Variants in LRRC20 observed in about 807,000 individuals in gnomAD.
The protein encoded by LRRC20 is leucine rich repeat containing 20.
In LRRC20, 11 loss-of-function variants were observed where a neutral mutation model predicts 14.4. The ratio of observed to expected loss-of-function variants is 0.77; its 90% confidence interval spans 0.48 to 1.27. LRRC20 has a LOEUF of 1.27. Among genes scored for constraint, LRRC20 ranks in the 50% most tolerant of loss-of-function variants. LRRC20 has a pLI of 0.00. For synonymous variants in LRRC20, 121 were observed against 107.3 expected, an observed-to-expected ratio of 1.13 and a Z score of -0.79; for missense variants, 219 against 251.2, an observed-to-expected ratio of 0.87 and a Z score of 0.87.
At chr10:70,363,177 C>T (rs924703576) in intron 2 of LRRC20, among the ~76,000 whole-genome samples, 4 of 146,334 alleles carry the variant, frequency 2.7e-5, no homozygotes, top group Non-Finnish European at 6.0e-5. Context: ...ACTCGAGAGG[C>T]TGAGTCAGGA....
chr10:70,380,641 G>A (rs1904586), intron 1 of LRRC20, among the ~76,000 whole-genome samples: 151,519 of 152,372 alleles, frequency 0.99, 75,345 homozygotes, highest in Non-Finnish European at 1. Context: ...GAAAATGTCA[G>A]GGAAAGCACT....
At chr10:70,316,958 G>A (rs894631912) in intron 4 of LRRC20, among the ~76,000 whole-genome samples, 1 of 152,252 alleles carries the variant, frequency 6.6e-6, no homozygotes, top group African/African-American at 2.4e-5. Flanking sequence ...AAGTCATCCT[G>A]TCATGGGACT....
intron 4 of LRRC20, among the ~76,000 whole-genome samples, chr10:70,321,688 C>T (rs938972633): frequency 6.6e-6 from 1 of 152,166 alleles, no homozygotes; most frequent in Admixed American, 6.5e-5. Context: ...AAGGCCTGGC[C>T]GAGGCCAGGC....
At chr10:70,321,144 CT>C (rs1000823572) in intron 4 of LRRC20, among the ~76,000 whole-genome samples, 1 of 151,886 alleles carries the variant, frequency 6.6e-6, no homozygotes, top group Admixed American at 6.6e-5. Flanking sequence ...CCATAAAAAT[CT>C]TGTTTTATTT....
Position 70,323,996 on chromosome 10 carries a change from G to A in LRRC20, c.267C>T (p.Leu89=), listed in dbSNP as rs777664468. 1.2e-6 allele frequency: 2 copies of A among 1,614,182 alleles called. No individual in the cohort carries two copies. The highest frequency in any genetic ancestry group is 2.2e-5 in the East Asian group (1 of 44,884). Residue 89 remains leucine, a synonymous_variant, in exon 4 of 5, where the codon CTC becomes CTT. Coordinates refer to ENST00000446961, the MANE Select transcript of LRRC20 (RefSeq NM_001278212.2). ...GCTGCAGGGCACTGACCTCGCTGGGGAGGCGGTGTAGGAAGTTCCCCTCCA... is the reference window on the plus strand; with the variant it reads ...GCTGCAGGGCACTGACCTCGCTGGGAAGGCGGTGTAGGAAGTTCCCCTCCA... ...LHLEGNFLHR[L]PSEVSALQHL...
At chr10:70,303,947 A>G (rs1841307730) in intron 4 of LRRC20, among the ~76,000 whole-genome samples, 1 of 152,202 alleles carries the variant, frequency 6.6e-6, no homozygotes, top group African/African-American at 2.4e-5. Flanking sequence ...AACACTGTGA[A>G]TGTCCTCAAT....
At chr10:70,326,002 C>G (rs1842304313) in intron 3 of LRRC20, among the ~76,000 whole-genome samples, 1 of 152,154 alleles carries the variant, frequency 6.6e-6, no homozygotes, top group African/African-American at 2.4e-5. Context: ...CAATTTTGAT[C>G]TTTCCTTACT....
chr10:70,300,281 G>A lies in LRRC20; in HGVS notation c.*1073C>T, dbSNP rs1319247401. The A allele has an allele frequency of 2.3e-6, 2 of 851,592 alleles. No individual in the cohort carries two copies. The highest frequency in any genetic ancestry group is 2.8e-6 in the Non-Finnish European group (2 of 707,932). 52.8% of individuals were successfully genotyped at this position (851,592 alleles called of 1,614,324 possible). A position where few individuals can be genotyped will look rare whatever the true frequency, so the allele number is the denominator to read the frequency against. ...CAACCATCCCCACTTGCTGGGTACT[G>A]TCCCAGTTTTAGCATTGAAAGTTCC... On this transcript the variant is annotated 3_prime_UTR_variant, in exon 5 of 5. Coordinates refer to ENST00000446961, the MANE Select transcript of LRRC20 (RefSeq NM_001278212.2).
intron 3 of LRRC20, among the ~76,000 whole-genome samples, chr10:70,324,431 G>C (rs567009907): frequency 6.6e-5 from 10 of 152,338 alleles, no homozygotes; most frequent in Non-Finnish European, 1.3e-4. Flanking sequence ...CCATTTAGGG[G>C]ACACCACTCT....
Position 70,301,135 on chromosome 10 carries a change from GTCCA to G in LRRC20, c.*215_*218del. 7.3e-7 allele frequency: 1 copy of G among 1,363,334 alleles called. No homozygotes were observed. Among genetic ancestry groups the G allele is most frequent in the Non-Finnish European group, 9.4e-7 (1 of 1,061,050 alleles). The allele number at this position is 1,363,334 out of a possible 1,614,324, so 84.5% of individuals were successfully genotyped here. ...TTTGCACAGCAGCTGTGAGTGCCGA[GTCCA>G]GGCTGCAGGCCCCACCTTGCCTCTT... On this transcript the variant is annotated 3_prime_UTR_variant, in exon 5 of 5. Coordinates refer to ENST00000446961, the MANE Select transcript of LRRC20 (RefSeq NM_001278212.2).
chr10:70,329,580 G>A (rs1349959711), intron 3 of LRRC20, among the ~76,000 whole-genome samples: 1 of 118,652 alleles, frequency 8.4e-6, no homozygotes, highest in African/African-American at 3.3e-5. Flanking sequence ...TTTTTTTTTC[G>A]AGATGGAGTC....
intron 2 of LRRC20, among the ~76,000 whole-genome samples, chr10:70,363,904 C>T (rs1843859620): frequency 6.6e-6 from 1 of 152,192 alleles, no homozygotes. Flanking sequence ...TACAGAGGAG[C>T]TCAGTCCCCC....
chr10:70,377,227 A>T (rs1427077936), intron 1 of LRRC20, among the ~76,000 whole-genome samples: 3 of 152,208 alleles, frequency 2.0e-5, no homozygotes, highest in Non-Finnish European at 4.4e-5. Context: ...TGCAGACCTG[A>T]TTATCAGCCT....
chr10:70,362,956 A>G (rs1843802680), intron 2 of LRRC20, among the ~76,000 whole-genome samples: 1 of 152,110 alleles, frequency 6.6e-6, no homozygotes, highest in South Asian at 2.1e-4. Flanking sequence ...GGACAGGATT[A>G]GTGTCCTTAT....
In LRRC20 at chr10:70,317,410, C is replaced by T. The variant is rs116967979; in HGVS notation, c.400+6453G>A. Among the ~76,000 whole-genome samples, 907 of 152,028 alleles carry T rather than the reference C, an allele frequency of 6.0e-3. 6 individuals are homozygous for T. The highest frequency in any genetic ancestry group is 9.4e-3 in the Non-Finnish European group (636 of 67,982). ...TTGTTGAGACAAGGTCTCCCTCTGT[C>T]ACCCAGACTGGAGTACAGTGGTGCA... On this transcript the variant is annotated intron_variant, in intron 4 of 4. Transcript: ENST00000446961.
chr10:70,308,546 C>G (rs1841513140), intron 4 of LRRC20, among the ~76,000 whole-genome samples: 1 of 152,106 alleles, frequency 6.6e-6, no homozygotes, highest in African/African-American at 2.4e-5. Flanking sequence ...CTGGGGGACA[C>G]AGGAATTGCT....
chr10:70,359,545 T>A (rs928534259), intron 2 of LRRC20, among the ~76,000 whole-genome samples: 10 of 152,116 alleles, frequency 6.6e-5, no homozygotes, highest in Non-Finnish European at 1.0e-4. Context: ...TGTCTCAAAA[T>A]TATACTCTCC....
rs143631535 is a variant in LRRC20, at chr10:70,363,930, G to A, written c.82+12522C>T. On this transcript the variant is annotated intron_variant, in intron 2 of 4. Transcript: ENST00000446961. Reference sequence around the variant, plus strand: ...TCAGTCCCCCTGGGAGAGCAGCACAGACCCTGCAGTGGGGACCTCCAGCCC... The same window carrying A: ...TCAGTCCCCCTGGGAGAGCAGCACAAACCCTGCAGTGGGGACCTCCAGCCC... Among the ~76,000 whole-genome samples the A allele has an allele frequency of 5.0e-4, 76 of 152,300 alleles. No individual in the cohort carries two copies. The Middle Eastern group carries it at 0.01, about 20-fold the overall frequency.
chr10:70,301,485 C>G lies in LRRC20; in HGVS notation c.424G>C (p.Ala142Pro), dbSNP rs116808853. Reference sequence around the variant, plus strand: ...TTGATGCTGCGCAAGGCTGGCATGGCGGCCAGCTTCTCCACGGGCACATCT... The same window carrying G: ...TTGATGCTGCGCAAGGCTGGCATGGGGGCCAGCTTCTCCACGGGCACATCT... ...IVDVPVEKLA[A>P]MPALRSINLR... The change falls in exon 5 of 5, where the codon GCC becomes CCC. Residue 142 changes from alanine (A) to proline (P), a missense_variant. Coordinates refer to ENST00000446961, the MANE Select transcript of LRRC20 (RefSeq NM_001278212.2). 5 of 1,613,968 alleles carry G rather than the reference C, an allele frequency of 3.1e-6. No homozygotes were observed. Among genetic ancestry groups the G allele is most frequent in the Non-Finnish European group, 4.2e-6 (5 of 1,179,990 alleles).
Sources: allele counts gnomAD v4.1 joint callset (sites outside exome capture counted in the v4.1 genomes callset), GRCh38; gene constraint gnomAD v4.1.1; transcripts MANE v1.5; gene names NCBI Gene and HGNC (gene_info 2026-07-23, HGNC 2026-07-21).